SORCS3: variants seen among roughly 807,000 people sequenced by gnomAD.
The protein encoded by SORCS3 is VPS10 domain-containing receptor SorCS3.
Under a neutral mutation model 146.3 loss-of-function variants are expected in SORCS3, and 57 were observed. That is an observed-to-expected ratio of 0.39 (90% CI 0.31 to 0.49). The LOEUF (loss-of-function observed/expected upper bound fraction) is 0.49, where lower values mean the gene tolerates loss of function less well. Among genes scored for constraint, SORCS3 ranks in the 20% least tolerant of loss-of-function variants. SORCS3 has a pLI of 0.92. For missense variants in SORCS3, 1,341 were observed against 1,575.5 expected, an observed-to-expected ratio of 0.85 and a Z score of 2.52; for synonymous variants, 653 against 618.5, an observed-to-expected ratio of 1.06 and a Z score of -0.83.
At chr10:104,846,728 G>C (rs2018210006) in intron 2 of SORCS3, among the ~76,000 whole-genome samples, 1 of 152,204 alleles carries the variant, frequency 6.6e-6, no homozygotes, top group Non-Finnish European at 1.5e-5. Context: ...ACCACCACCA[G>C]AGTAGTTATG....
intron 4 of SORCS3, among the ~76,000 whole-genome samples, chr10:105,037,053 A>G (rs1210435210): frequency 6.6e-6 from 1 of 152,196 alleles, no homozygotes; most frequent in African/African-American, 2.4e-5. Context: ...ATGAAGTCAC[A>G]TTTTGTTGCC....
intron 7 of SORCS3, among the ~76,000 whole-genome samples, chr10:105,120,234 C>G (rs930002241): frequency 6.6e-6 from 1 of 152,134 alleles, no homozygotes; most frequent in African/African-American, 2.4e-5. Flanking sequence ...TGCTGTTCCT[C>G]CCCTTCACCT....
intron 4 of SORCS3, among the ~76,000 whole-genome samples, chr10:105,014,551 T>C (rs1589594507): frequency 6.6e-6 from 1 of 152,206 alleles, no homozygotes; most frequent in Non-Finnish European, 1.5e-5. Flanking sequence ...GATAAGTATC[T>C]ATTTTGTATA....
intron 1 of SORCS3, among the ~76,000 whole-genome samples, chr10:104,693,220 T>C (rs1277957025): frequency 6.6e-6 from 1 of 152,174 alleles, no homozygotes; most frequent in Non-Finnish European, 1.5e-5. Context: ...CCTTCACTTG[T>C]GCAGCCAGGA....
chr10:105,107,201 A>G (rs941678747), intron 7 of SORCS3, among the ~76,000 whole-genome samples: 43 of 152,152 alleles, frequency 2.8e-4, no homozygotes, highest in Admixed American at 2.0e-3. Flanking sequence ...GCCAAATTAA[A>G]TGAACCCACA....
intron 2 of SORCS3, among the ~76,000 whole-genome samples, chr10:104,863,804 C>G (rs2018431626): frequency 6.6e-6 from 1 of 152,184 alleles, no homozygotes; most frequent in Admixed American, 6.5e-5. Context: ...TACATCACAG[C>G]TAGATGGTAT....
At chr10:104,953,883 G>A (rs946450459) in intron 3 of SORCS3, among the ~76,000 whole-genome samples, 1 of 152,190 alleles carries the variant, frequency 6.6e-6, no homozygotes, top group African/African-American at 2.4e-5. Context: ...TGACACAAAA[G>A]CATATTAGCT....
intron 3 of SORCS3, among the ~76,000 whole-genome samples, chr10:104,971,541 C>A (rs2054860616): frequency 2.0e-5 from 3 of 152,266 alleles, no homozygotes; most frequent in South Asian, 4.1e-4. Context: ...AATCAGGTAC[C>A]ACTGTGGGGC....
intron 8 of SORCS3, among the ~76,000 whole-genome samples, chr10:105,147,287 G>A (rs1359474099): frequency 6.6e-6 from 1 of 152,100 alleles, no homozygotes; most frequent in African/African-American, 2.4e-5. Context: ...TTGCATGTGT[G>A]AGCTTCCTTT....
intron 2 of SORCS3, among the ~76,000 whole-genome samples, chr10:104,874,367 A>G (rs980497950): frequency 1.3e-5 from 2 of 152,084 alleles, no homozygotes; most frequent in African/African-American, 4.8e-5. Flanking sequence ...TTGTCATTCC[A>G]GTTGACATTA....
intron 23 of SORCS3, among the ~76,000 whole-genome samples, chr10:105,254,954 C>G (rs915407865): frequency 1.3e-5 from 2 of 151,616 alleles, no homozygotes; most frequent in Admixed American, 6.6e-5. Flanking sequence ...TTTGGGAGGC[C>G]GAGGTGGGCG....
At chr10:105,069,942 A>T (rs779063361) in intron 5 of SORCS3, among the ~76,000 whole-genome samples, 3 of 152,072 alleles carry the variant, frequency 2.0e-5, no homozygotes, top group Non-Finnish European at 4.4e-5. Context: ...GTCTAGCCAG[A>T]TCCATAGCTT....
At chr10:104,883,981 G>GGT (rs1043396520) in intron 2 of SORCS3, among the ~76,000 whole-genome samples, 2 of 151,634 alleles carry the variant, frequency 1.3e-5, no homozygotes, top group African/African-American at 4.9e-5. Flanking sequence ...GGAATGAGGG[G>GGT]GGGGAAAGGG....
intron 5 of SORCS3, among the ~76,000 whole-genome samples, chr10:105,063,323 G>C (rs73342291): frequency 0.059 from 8,976 of 152,156 alleles, 289 homozygotes; most frequent in Middle Eastern, 0.088. Context: ...TGGACAATTG[G>C]AGTTAAAACA....
intron 1 of SORCS3, among the ~76,000 whole-genome samples, chr10:104,804,718 ACTC>A (rs2017662664): frequency 2.0e-5 from 3 of 152,150 alleles, no homozygotes; most frequent in African/African-American, 7.2e-5. Flanking sequence ...AGTCAACAAA[ACTC>A]CTGGCAGAGA....
At chr10:105,256,658 T>C (rs777893850) in intron 24 of SORCS3, among the ~76,000 whole-genome samples, 161 bp from the exon 25 acceptor site, 4 of 152,220 alleles carry the variant, frequency 2.6e-5, no homozygotes, top group Non-Finnish European at 5.9e-5. Context: ...ATTGCCATCA[T>C]TGAAGCCAGA....
intron 1 of SORCS3, among the ~76,000 whole-genome samples, chr10:104,726,608 C>T (rs11192170): frequency 0.048 from 7,367 of 152,006 alleles, 172 homozygotes; most frequent in Admixed American, 0.055. Flanking sequence ...TTGGACACCT[C>T]TTTATTCCTT....
chr10:104,862,029 G>T (rs1310729957), intron 2 of SORCS3, among the ~76,000 whole-genome samples: 1 of 152,152 alleles, frequency 6.6e-6, no homozygotes, highest in Non-Finnish European at 1.5e-5. Context: ...ACTGCAGTAT[G>T]CCCTCATCAT....
At chr10:104,899,747 A>G (rs1462785409) in intron 2 of SORCS3, among the ~76,000 whole-genome samples, 1 of 152,212 alleles carries the variant, frequency 6.6e-6, no homozygotes, top group Non-Finnish European at 1.5e-5. Flanking sequence ...AGATATCTTG[A>G]ACATCTTGCC....
Sources: allele counts gnomAD v4.1 joint callset (sites outside exome capture counted in the v4.1 genomes callset), GRCh38; gene constraint gnomAD v4.1.1; transcripts MANE v1.5; gene names NCBI Gene and HGNC (gene_info 2026-07-23, HGNC 2026-07-21).